TNKS: variants seen among roughly 807,000 people sequenced by gnomAD.
TNKS encodes poly [ADP-ribose] polymerase tankyrase-1.
In TNKS, 72 loss-of-function variants were observed where a neutral mutation model predicts 135.8. The ratio of observed to expected loss-of-function variants is 0.53; its 90% CI spans 0.44 to 0.64. The LOEUF (loss-of-function observed/expected upper bound fraction) is 0.64, where lower values mean the gene tolerates loss of function less well. Among genes scored for constraint, TNKS ranks in the 30% least tolerant of loss-of-function variants. TNKS has a pLI of 0.00. For missense variants in TNKS, 1,769 were observed against 1,674.0 expected, an observed-to-expected ratio of 1.06 and a Z score of -0.99; for synonymous variants, 849 against 649.3, an observed-to-expected ratio of 1.31 and a Z score of -4.68.
At chr8:9,713,316 C>T (rs1409488688) in intron 11 of TNKS, among the ~76,000 whole-genome samples, 1 of 152,162 alleles carries the variant, frequency 6.6e-6, no homozygotes, top group Non-Finnish European at 1.5e-5. Context: ...TTGCAAATAT[C>T]TAATGACATT....
At chr8:9,771,988 G>T (rs1361671458) in intron 26 of TNKS, among the ~76,000 whole-genome samples, 1 of 111,250 alleles carries the variant, frequency 9.0e-6, no homozygotes, top group Non-Finnish European at 1.8e-5. Flanking sequence ...GAGGTGGGAG[G>T]GAAGAAGGGA....
chr8:9,588,977 C>T (rs928495168), intron 2 of TNKS, among the ~76,000 whole-genome samples: 3 of 152,162 alleles, frequency 2.0e-5, no homozygotes, highest in Admixed American at 2.0e-4. Context: ...TGACAGCATT[C>T]AGCACATCAT....
At chr8:9,644,209 C>G (rs1800826740) in intron 3 of TNKS, among the ~76,000 whole-genome samples, 1 of 152,066 alleles carries the variant, frequency 6.6e-6, no homozygotes, top group African/African-American at 2.4e-5. Flanking sequence ...GGTAGCACAA[C>G]AGTGTGAGTA....
intron 20 of TNKS, among the ~76,000 whole-genome samples, chr8:9,757,569 C>A (rs1344795257): frequency 6.6e-6 from 1 of 152,096 alleles, no homozygotes; most frequent in Non-Finnish European, 1.5e-5. Flanking sequence ...CATCTCCTTC[C>A]TGCTCCTTCC....
intron 3 of TNKS, 195 bp from the exon 4 acceptor site, chr8:9,679,756 T>C: frequency 2.0e-6 from 1 of 509,654 alleles, no homozygotes; most frequent in Non-Finnish European, 3.5e-6. Context: ...AGAAGCTGCG[T>C]CAATTTGCTG....
chr8:9,638,938 C>G (rs1036643427), intron 3 of TNKS, among the ~76,000 whole-genome samples: 3 of 152,118 alleles, frequency 2.0e-5, no homozygotes, highest in Non-Finnish European at 4.4e-5. Context: ...CAAGAACTTT[C>G]TATACCTTAA....
At chr8:9,716,699 G>C (rs898092602) in intron 11 of TNKS, among the ~76,000 whole-genome samples, 1 of 151,570 alleles carries the variant, frequency 6.6e-6, no homozygotes. Flanking sequence ...TGTCTCCGTC[G>C]CTCCCTGTCT....
intron 26 of TNKS, among the ~76,000 whole-genome samples, chr8:9,772,052 A>T (rs1355780256): frequency 9.1e-6 from 1 of 109,580 alleles, no homozygotes; most frequent in Non-Finnish European, 1.9e-5. Context: ...AGACAGAGGT[A>T]GGGAGGGATG....
Position 9,709,937 on chromosome 8 carries a change from G to C in TNKS, c.1579-18G>C, listed in dbSNP as rs770545662. ...TATGGAAGTGTATTTTATTAACTTG[G>C]TTTTGTTTACTTTATAGCACTGTGC... On this transcript the variant is annotated intron_variant, in intron 9 of 26. Transcript: ENST00000310430. The C allele has an allele frequency of 6.2e-7, 1 of 1,605,220 alleles. No individual in the cohort carries two copies. Among genetic ancestry groups the C allele is most frequent in the Non-Finnish European group, 8.5e-7 (1 of 1,173,476 alleles).
At chr8:9,605,225 CATT>C (rs1176301717) in intron 2 of TNKS, among the ~76,000 whole-genome samples, 1 of 152,018 alleles carries the variant, frequency 6.6e-6, no homozygotes, top group African/African-American at 2.4e-5. Flanking sequence ...TATTTTCTGA[CATT>C]ATAGATTAAT....
At chr8:9,628,698 C>T (rs540557522) in intron 3 of TNKS, among the ~76,000 whole-genome samples, 16 of 152,280 alleles carry the variant, frequency 1.1e-4, no homozygotes, top group Non-Finnish European at 8.8e-5. Context: ...AGACCCCTCT[C>T]GTTCAGACCT....
chr8:9,747,314 G>T (rs1247648483), intron 17 of TNKS, among the ~76,000 whole-genome samples: 2 of 132,556 alleles, frequency 1.5e-5, no homozygotes, highest in African/African-American at 5.9e-5. Flanking sequence ...CTCTTCTGTT[G>T]TGAATTTGGC....
At chr8:9,661,633 A>G (rs1343775636) in intron 3 of TNKS, among the ~76,000 whole-genome samples, 1 of 152,236 alleles carries the variant, frequency 6.6e-6, no homozygotes, top group Non-Finnish European at 1.5e-5. Context: ...TAAAAACCCT[A>G]GAAGAAAACC....
chr8:9,653,668 C>T (rs1801231427), intron 3 of TNKS, among the ~76,000 whole-genome samples: 1 of 152,284 alleles, frequency 6.6e-6, no homozygotes, highest in South Asian at 2.1e-4. Context: ...CTCACAACAT[C>T]ATCACCTCTT....
chr8:9,561,836 T>A (rs1159962809), intron 1 of TNKS, among the ~76,000 whole-genome samples: 1 of 152,152 alleles, frequency 6.6e-6, no homozygotes, highest in Middle Eastern at 3.2e-3. Flanking sequence ...TGATGGTTGC[T>A]GTTTGATTTT....
intron 5 of TNKS, among the ~76,000 whole-genome samples, chr8:9,687,464 A>C (rs778675678): frequency 4.6e-5 from 7 of 152,190 alleles, no homozygotes; most frequent in Non-Finnish European, 7.3e-5. Flanking sequence ...ATTTTGTACC[A>C]ATGAGGACTT....
intron 3 of TNKS, among the ~76,000 whole-genome samples, chr8:9,648,602 A>T (rs1343263999): frequency 2.0e-5 from 3 of 152,190 alleles, no homozygotes; most frequent in Non-Finnish European, 4.4e-5. Context: ...TATGTGCAAT[A>T]CTTTTATACA....
chr8:9,762,969 G>A (rs1807227296), intron 21 of TNKS, among the ~76,000 whole-genome samples, 178 bp from the exon 22 acceptor site: 1 of 149,614 alleles, frequency 6.7e-6, no homozygotes, highest in South Asian at 2.1e-4. Context: ...TCTCCTGTCT[G>A]TCTTTGAGTA....
chr8:9,688,832 C>T (rs1406998594), intron 5 of TNKS, among the ~76,000 whole-genome samples: 2 of 151,942 alleles, frequency 1.3e-5, no homozygotes, highest in Admixed American at 6.6e-5. Flanking sequence ...GTAGAGATGG[C>T]GTTTCACTAT....
Sources: gnomAD v4.1 joint callset for allele counts (sites outside exome capture counted in the v4.1 genomes callset) on GRCh38, gnomAD v4.1.1 for gene constraint, MANE v1.5 for transcripts, NCBI Gene and HGNC (gene_info 2026-07-23, HGNC 2026-07-21) for gene names.